The following TAOK3 variants were observed in gnomAD, a reference collection of about 807,000 sequenced individuals.
The protein encoded by TAOK3 is serine/threonine-protein kinase TAO3.
Under a neutral mutation model 120.4 loss-of-function variants are expected in TAOK3, and 40 were observed. The ratio of observed to expected loss-of-function variants is 0.33; its 90% confidence interval spans 0.26 to 0.43. The LOEUF is 0.43. Ranked by LOEUF, TAOK3 falls within the 20% of genes least tolerant of loss-of-function variation. The pLI, the probability that TAOK3 is intolerant of heterozygous loss-of-function variation, is 1.00. For synonymous variants in TAOK3, 355 were observed against 387.5 expected (o/e 0.92, Z 0.99); for missense variants, 821 against 1,112.1 (o/e 0.74, Z 3.72).
Position 118,244,901 on chromosome 12 carries a change from G to A in TAOK3, c.185C>T (p.Thr62Ile). ...CAACTGTCTCTATCTCACCTCATGG[G>A]TCTGCTTCCCACTATAGGACATCTT... ...IKKMSYSGKQ[T>I]HEKWQDILKE... Residue 62 changes from threonine (T) to isoleucine (I), a missense_variant, in exon 4 of 21, where the codon ACC becomes ATC. By Grantham distance (89) the Thr-to-Ile change is moderately conservative (BLOSUM62 -1). Transcript: ENST00000392533. 1.2e-6 allele frequency: 2 copies of A among 1,605,288 alleles called. No individual in the cohort carries two copies. Among genetic ancestry groups the A allele is most frequent in the Non-Finnish European group, 1.7e-6 (2 of 1,172,790 alleles).
At chr12:118,151,222 G>T in intron 20 of TAOK3, 64 bp from the exon 21 acceptor site, 1 of 1,562,778 alleles carries the variant, frequency 6.4e-7, no homozygotes. Context: ...ACGTGCACGC[G>T]ATACACCCAT....
chr12:118,272,652 T>G (rs1215685012), intron 1 of TAOK3, among the ~76,000 whole-genome samples: 1 of 152,174 alleles, frequency 6.6e-6, no homozygotes, highest in Non-Finnish European at 1.5e-5. Flanking sequence ...CACACCTCTG[T>G]GGCAGCATTA....
At chr12:118,339,953 G>T (rs1259138607) in intron 1 of TAOK3, among the ~76,000 whole-genome samples, 1 of 152,074 alleles carries the variant, frequency 6.6e-6, no homozygotes, top group Non-Finnish European at 1.5e-5. Flanking sequence ...ACAAAATCTT[G>T]CATGTTGTCA....
intron 1 of TAOK3, among the ~76,000 whole-genome samples, chr12:118,348,305 C>A (rs1431207494): frequency 6.6e-6 from 1 of 152,206 alleles, no homozygotes; most frequent in Non-Finnish European, 1.5e-5. Flanking sequence ...TTGAATATGA[C>A]TTGCATCAGG....
intron 1 of TAOK3, among the ~76,000 whole-genome samples, chr12:118,273,590 A>G (rs1254179999): frequency 6.6e-6 from 1 of 152,286 alleles, no homozygotes; most frequent in East Asian, 1.9e-4. Context: ...TGAGGCAGGT[A>G]GATCACTTGA....
At chr12:118,327,216 C>T (rs1475655354) in intron 1 of TAOK3, among the ~76,000 whole-genome samples, 1 of 152,160 alleles carries the variant, frequency 6.6e-6, no homozygotes, top group African/African-American at 2.4e-5. Flanking sequence ...CCACCATCTA[C>T]AATATGCTTA....
intron 9 of TAOK3, among the ~76,000 whole-genome samples, chr12:118,225,977 C>T (rs1220955197): frequency 1.3e-5 from 2 of 152,334 alleles, no homozygotes; most frequent in Admixed American, 6.5e-5. Flanking sequence ...TGATGGCTTG[C>T]GCCTATAATC....
intron 17 of TAOK3, among the ~76,000 whole-genome samples, chr12:118,169,321 C>A (rs540525273): frequency 0.012 from 1,220 of 102,912 alleles, 10 homozygotes; most frequent in Non-Finnish European, 0.017. Flanking sequence ...CCCCCACCCC[C>A]CCCCCTTTTT....
rs78955075 is a variant in TAOK3, at chr12:118,238,356, A to G, written c.341-187T>C. 9.8e-5 allele frequency among the ~76,000 whole-genome samples: 15 copies of G among 152,328 alleles called. No homozygotes were observed. In the East Asian group the frequency reaches 2.7e-3, roughly 27 times the overall value. Reference sequence around the variant, plus strand: ...AGGAAACCCAAGTATATAAACACAAATGACCCTTCAAAACAAAAATAAAAC... The same window carrying G: ...AGGAAACCCAAGTATATAAACACAAGTGACCCTTCAAAACAAAAATAAAAC... On this transcript the variant is annotated intron_variant, in intron 6 of 20. Transcript: ENST00000392533.
intron 1 of TAOK3, among the ~76,000 whole-genome samples, chr12:118,322,718 C>CTTTTTTTTTT (rs199608892): frequency 1.1e-4 from 10 of 93,810 alleles, no homozygotes; most frequent in Non-Finnish European, 1.3e-4. Context: ...ATTTAAAAAC[C>CTTTTTTTTTT]TTTTTTTTTT....
At chr12:118,314,501 T>G (rs1335809229) in intron 1 of TAOK3, among the ~76,000 whole-genome samples, 1 of 152,222 alleles carries the variant, frequency 6.6e-6, no homozygotes, top group East Asian at 1.9e-4. Context: ...TTGAGGATTT[T>G]GGGAACTAGT....
At chr12:118,305,605 G>A (rs960508976) in intron 1 of TAOK3, among the ~76,000 whole-genome samples, 1 of 152,048 alleles carries the variant, frequency 6.6e-6, no homozygotes, top group Non-Finnish European at 1.5e-5. Context: ...ACTATTTTAT[G>A]CATGTCAAAA....
At chr12:118,281,539 C>A (rs1399054150) in intron 1 of TAOK3, among the ~76,000 whole-genome samples, 3 of 152,116 alleles carry the variant, frequency 2.0e-5, no homozygotes, top group Non-Finnish European at 4.4e-5. Flanking sequence ...AATCCCAGCA[C>A]TTTGGGAGGC....
intron 9 of TAOK3, among the ~76,000 whole-genome samples, chr12:118,233,418 A>AAAAT (rs200477925): frequency 4.6e-5 from 7 of 151,380 alleles, no homozygotes; most frequent in South Asian, 4.2e-4. Context: ...TTAAAAAATT[A>AAAAT]AAATAAATAA....
chr12:118,190,486 C>T (rs139968653), intron 13 of TAOK3: 3 of 152,696 alleles, frequency 2.0e-5, no homozygotes, highest in African/African-American at 7.2e-5. Flanking sequence ...TGGGAAGATT[C>T]GGCAGTCACT....
At position 118,371,406 on chromosome 12, in the gene TAOK3, G is replaced by C. The variant is rs559016359; in HGVS notation, c.-194+1242C>G. Among the ~76,000 whole-genome samples the C allele has an allele frequency of 2.0e-5, 3 of 152,146 alleles. No individual in the cohort carries two copies. Among genetic ancestry groups the C allele is most frequent in the Non-Finnish European group, 2.9e-5 (2 of 68,006 alleles). Reference sequence around the variant, plus strand: ...CCAGCGGGCCAGTGAGAAGAGGTCAGGCCGCGCAGGTCTCTTGATCATTCC... The same window carrying C: ...CCAGCGGGCCAGTGAGAAGAGGTCACGCCGCGCAGGTCTCTTGATCATTCC... On this transcript the variant is annotated intron_variant, in intron 1 of 20. Transcript: ENST00000392533. The surrounding 1 kb of genome is among the most constrained non-coding windows in gnomAD (Gnocchi z 5.5).
intron 1 of TAOK3, among the ~76,000 whole-genome samples, chr12:118,352,707 GATCTT>G (rs533267308): frequency 6.6e-5 from 10 of 152,034 alleles, no homozygotes; most frequent in Middle Eastern, 3.4e-3. Context: ...CAGGGTTACT[GATCTT>G]ATCTTATTTA....
intron 1 of TAOK3, among the ~76,000 whole-genome samples, chr12:118,285,689 C>T (rs1295269635): frequency 6.6e-6 from 1 of 152,180 alleles, no homozygotes; most frequent in Admixed American, 6.5e-5. Context: ...TAAATATTCT[C>T]TTGTGAACCC....
At chr12:118,340,949 C>T in intron 1 of TAOK3, among the ~76,000 whole-genome samples, 1 of 150,390 alleles carries the variant, frequency 6.6e-6, no homozygotes, top group East Asian at 2.0e-4. Flanking sequence ...CTCAAAAGAA[C>T]AAAAAGAAAC....
Sources: gnomAD v4.1 joint callset for allele counts (sites outside exome capture counted in the v4.1 genomes callset) on GRCh38, gnomAD v4.1.1 for gene constraint, Gnocchi (gnomAD v3.1) non-coding constraint, MANE v1.5 for transcripts, NCBI Gene and HGNC (gene_info 2026-07-23, HGNC 2026-07-21) for gene names.